Variants in TOMM7 observed in about 807,000 individuals in gnomAD.
TOMM7 encodes the protein translocase of outer mitochondrial membrane 7.
Under a neutral mutation model 9.5 loss-of-function variants are expected in TOMM7, and 8 were observed. That is an observed-to-expected ratio of 0.84 (90% CI 0.49 to 1.51). The LOEUF is 1.51. Among genes scored for constraint, TOMM7 ranks in the 40% most tolerant of loss-of-function variants. The pLI, the probability that TOMM7 is intolerant of heterozygous loss-of-function variation, is 0.00. For synonymous variants in TOMM7, 27 were observed against 21.4 expected (o/e 1.26, Z -0.72); for missense variants, 74 against 63.7 (o/e 1.16, Z -0.55).
intron 1 of TOMM7, among the ~76,000 whole-genome samples, chr7:22,820,108 G>T (rs1157193148): frequency 6.6e-6 from 1 of 152,172 alleles, no homozygotes; most frequent in Non-Finnish European, 1.5e-5. Context: ...GGCCAAGATC[G>T]AAGATCACTT....
At position 22,822,756 on chromosome 7, in the gene TOMM7, G is replaced by C. The variant is rs754831020; in HGVS notation, c.24C>G (p.Ala8=). 6.2e-7 allele frequency: 1 copy of C among 1,614,196 alleles called. No homozygotes were observed. Among genetic ancestry groups the C allele is most frequent in the Non-Finnish European group, 8.5e-7 (1 of 1,180,010 alleles). Reference sequence around the variant, plus strand: ...TGAAGAGCTGCTGTAGTCTCTGCTTGGCCTCTTTGCTCAGCTTCACCATGG... The same window carrying C: ...TGAAGAGCTGCTGTAGTCTCTGCTTCGCCTCTTTGCTCAGCTTCACCATGG... The part of the protein sequence containing the change: MVKLSKE[A]KQRLQQLFKG... Residue 8 remains alanine (A), a synonymous_variant, in exon 1 of 3, where the codon GCC becomes GCG. Coordinates refer to ENST00000358435, the MANE Select transcript of TOMM7 (RefSeq NM_019059.5).
At chr7:22,814,893 T>C (rs899249760) in intron 2 of TOMM7, among the ~76,000 whole-genome samples, 1 of 152,224 alleles carries the variant, frequency 6.6e-6, no homozygotes, top group South Asian at 2.1e-4. Context: ...AGACTTTATA[T>C]TAATAAACAA....
chr7:22,822,218 G>A (rs1782402914), intron 1 of TOMM7: 5 of 1,550,732 alleles, frequency 3.2e-6, no homozygotes, highest in Non-Finnish European at 4.4e-6. Flanking sequence ...GAAAGCAGAG[G>A]CATCCAACGA....
intron 1 of TOMM7, among the ~76,000 whole-genome samples, chr7:22,819,705 G>A (rs1464611625): frequency 6.6e-6 from 1 of 152,120 alleles, no homozygotes; most frequent in East Asian, 1.9e-4. Context: ...TGGCCTGTAA[G>A]CATGTCTCTC....
chr7:22,821,274 G>C (rs929141976), intron 1 of TOMM7, among the ~76,000 whole-genome samples: 2 of 152,114 alleles, frequency 1.3e-5, no homozygotes, highest in African/African-American at 4.8e-5. Flanking sequence ...AGCCCGGCAT[G>C]GTGGCGGGCG....
At chr7:22,816,681 A>G (rs1306861978) in intron 2 of TOMM7, among the ~76,000 whole-genome samples, 1 of 152,250 alleles carries the variant, frequency 6.6e-6, no homozygotes, top group Non-Finnish European at 1.5e-5. Flanking sequence ...TGAGAATAAA[A>G]AAGACCTTCC....
intron 1 of TOMM7, among the ~76,000 whole-genome samples, chr7:22,819,591 G>A (rs189347782): frequency 1.3e-5 from 2 of 152,146 alleles, no homozygotes; most frequent in African/African-American, 2.4e-5. Flanking sequence ...GCCTGGTCTC[G>A]AACTCCTGAC....
chr7:22,821,669 G>A (rs1353572812), intron 1 of TOMM7, among the ~76,000 whole-genome samples: 3 of 151,558 alleles, frequency 2.0e-5, no homozygotes, highest in Admixed American at 1.3e-4. Flanking sequence ...AGGATCGCTT[G>A]ATCCCGAGAG....
chr7:22,820,408 G>A (rs1289557957), intron 1 of TOMM7, among the ~76,000 whole-genome samples: 1 of 152,186 alleles, frequency 6.6e-6, no homozygotes, highest in Non-Finnish European at 1.5e-5. Context: ...CTTACACGAA[G>A]CCCCTGGCAT....
In TOMM7 at chr7:22,822,067, A is replaced by G. The variant is rs187536590; in HGVS notation, c.103+610T>C. ...ATAATGGTTAAGACTATGGGCTCTG[A>G]TGCCCCACTGCCTGAGCCCCTAACT... On this transcript the variant is annotated intron_variant, in intron 1 of 2. Coordinates refer to ENST00000358435, the MANE Select transcript of TOMM7 (RefSeq NM_019059.5). 1,614 of 1,448,242 alleles carry G rather than the reference A, an allele frequency of 1.1e-3. 8 individuals are homozygous for G. In the African/African-American group the frequency reaches 0.019, roughly 17 times the overall value. 89.7% of individuals were successfully genotyped at this position (1,448,242 alleles called of 1,614,324 possible).
intron 1 of TOMM7, chr7:22,822,305 C>G: frequency 2.6e-6 from 4 of 1,538,190 alleles, no homozygotes; most frequent in Non-Finnish European, 3.5e-6. Context: ...ACTCTTTCCA[C>G]TTAGGACCAC....
intron 2 of TOMM7, among the ~76,000 whole-genome samples, chr7:22,814,217 G>C (rs951117617): frequency 6.6e-6 from 1 of 151,464 alleles, no homozygotes; most frequent in African/African-American, 2.4e-5. Flanking sequence ...GGACTTGGTG[G>C]TGCATGCCTG....
At chr7:22,818,179 C>T in intron 1 of TOMM7, 131 bp from the exon 2 acceptor site, 1 of 764,678 alleles carries the variant, frequency 1.3e-6, no homozygotes, top group East Asian at 2.7e-5. Context: ...CCAACCAGTA[C>T]TATCTAAATT....
Position 22,822,023 on chromosome 7 carries a change from C to G in TOMM7, c.103+654G>C, listed in dbSNP as rs1583464974. On this transcript the variant is annotated intron_variant, in intron 1 of 2. Coordinates refer to ENST00000358435, the MANE Select transcript of TOMM7 (RefSeq NM_019059.5). ...TTAAAAACAAAAACCAAAAAAACCC[C>G]AAATCCTTTAAGTGCGCTATAATGG... The G allele has an allele frequency of 2.6e-6, 3 of 1,146,930 alleles. No individual in the cohort carries two copies. In the East Asian group the frequency reaches 8.2e-5, roughly 31 times the overall value. The allele number at this position is 1,146,930 out of a possible 1,614,324, so 71.0% of individuals were successfully genotyped here.
intron 2 of TOMM7, chr7:22,817,732 G>A (rs982818716): frequency 2.3e-5 from 8 of 349,684 alleles, no homozygotes; most frequent in African/African-American, 1.7e-4. Flanking sequence ...ACGGGAATAT[G>A]AGAAATTTAA....
intron 2 of TOMM7, among the ~76,000 whole-genome samples, chr7:22,816,699 A>C (rs1455119550): frequency 6.6e-6 from 1 of 152,212 alleles, no homozygotes; most frequent in African/African-American, 2.4e-5. Context: ...TCCTCTGAAA[A>C]AGAAGAGAGC....
intron 1 of TOMM7, chr7:22,818,406 T>C (rs1180064972): frequency 6.0e-6 from 1 of 167,558 alleles, no homozygotes; most frequent in Non-Finnish European, 1.3e-5. Context: ...GCCTCCTGAA[T>C]AGCTAAGATT....
chr7:22,820,165 C>G (rs1213227297), intron 1 of TOMM7, among the ~76,000 whole-genome samples: 1 of 152,144 alleles, frequency 6.6e-6, no homozygotes, highest in Non-Finnish European at 1.5e-5. Flanking sequence ...CAGCAAGACC[C>G]TGTCTCTATT....
chr7:22,821,388 C>CACACAGCGACT, intron 1 of TOMM7, among the ~76,000 whole-genome samples: 1 of 135,806 alleles, frequency 7.4e-6, no homozygotes, highest in African/African-American at 2.8e-5. Context: ...CCAGCCTGGG[C>CACACAGCGACT]GAGGCAGACC....
Sources: allele counts gnomAD v4.1 joint callset (sites outside exome capture counted in the v4.1 genomes callset), GRCh38; gene constraint gnomAD v4.1.1; transcripts MANE v1.5; gene names NCBI Gene and HGNC (gene_info 2026-07-23, HGNC 2026-07-21).